The following EXTL1 variants were observed in gnomAD, a reference collection of about 807,000 sequenced individuals.
EXTL1 encodes exostosin-like 1.
EXTL1 carries 43 observed loss-of-function variants against 64.6 expected under a neutral mutation model. That is an observed-to-expected ratio of 0.67 (90% CI 0.52 to 0.86). EXTL1 has a LOEUF of 0.86. EXTL1 is among the 40% of genes least tolerant of loss of function. EXTL1 has a pLI of 0.00. For missense variants in EXTL1, 766 were observed against 879.0 expected, an observed-to-expected ratio of 0.87 and a Z score of 1.62; for synonymous variants, 352 against 360.5, an observed-to-expected ratio of 0.98 and a Z score of 0.27.
chr1:26,023,173 G>A lies in EXTL1; in HGVS notation c.527G>A (p.Gly176Glu). The A allele has an allele frequency of 6.2e-7, 1 of 1,613,918 alleles. No homozygotes were observed. The highest frequency in any genetic ancestry group is 2.2e-5 in the East Asian group (1 of 44,870). Residue 176 changes from glycine (G) to glutamate (E), a missense_variant, in exon 1 of 11, where the codon GGA (glycine) becomes GAA (glutamate). This residue lies in a region of EXTL1 where 571 missense variants were observed against 647.6 expected (regional missense o/e 0.88). Transcript: ENST00000374280. The stretch of plus-strand genomic sequence containing the variant: ...CCCTGCCCCAGGACCTTCCAGCTGG[G>A]ACAGGCTATGGTGGCTGAGGCCAGC... ...PAPCPRTFQL[G>E]QAMVAEASPT...
Position 26,022,788 on chromosome 1 carries a change from C to T in EXTL1, c.142C>T (p.Arg48Cys), listed in dbSNP as rs1316327466. The T allele has an allele frequency of 7.4e-6, 12 of 1,613,960 alleles. No homozygotes were observed. Among genetic ancestry groups the T allele is most frequent in the African/African-American group, 2.7e-5 (2 of 74,920 alleles). ...GCCCGGGGCTTCCCAAGGCTGGCCCCGCTGGCTGGATGCAGAGCTCCTGCA... is the reference window on the plus strand; with the variant it reads ...GCCCGGGGCTTCCCAAGGCTGGCCCTGCTGGCTGGATGCAGAGCTCCTGCA... ...PRPGASQGWPRWLDAELLQSF... is the reference protein window; with the variant it reads ...PRPGASQGWPCWLDAELLQSF... Residue 48 changes from arginine to cysteine, a missense_variant, in exon 1 of 11, where the codon CGC (arginine) becomes TGC (cysteine). Physicochemically the swap from Arg to Cys is radical, Grantham distance 180. Coordinates refer to ENST00000374280, the MANE Select transcript of EXTL1 (RefSeq NM_004455.3).
intron 1 of EXTL1, among the ~76,000 whole-genome samples, chr1:26,024,333 T>C (rs2050192132): frequency 1.3e-5 from 2 of 152,110 alleles, no homozygotes. Context: ...GAGGGTTCCT[T>C]CTGTATCCCA....
chr1:26,029,366 A>T, intron 2 of EXTL1, 80 bp downstream of exon 2: 1 of 1,163,710 alleles, frequency 8.6e-7, no homozygotes, highest in South Asian at 1.3e-5. Context: ...GTCCAGGCCA[A>T]TGAGAAGGGG....
Position 26,031,540 on chromosome 1 carries a change from G to A in EXTL1, c.1315G>A (p.Val439Met), listed in dbSNP as rs1360897608. ...GCCCCCTCTGAAGCTCATCCAGGCG[G>A]TGGCAGGCTCCCAGCACTGTGCCCA... ...GQPPLKLIQA[V>M]AGSQHCAQIL... is the part of the protein sequence containing the mutation. The change falls in exon 6 of 11, where the codon GTG (valine) becomes ATG (methionine). Residue 439 changes from valine (V) to methionine (M), a missense_variant. Physicochemically the swap from Val to Met is conservative, Grantham distance 21. Coordinates refer to ENST00000374280, the MANE Select transcript of EXTL1 (RefSeq NM_004455.3). 6.3e-7 allele frequency: 1 copy of A among 1,597,568 alleles called. No individual in the cohort carries two copies. Among genetic ancestry groups the A allele is most frequent in the African/African-American group, 1.3e-5 (1 of 74,772 alleles).
At position 26,033,753 on chromosome 1, in the gene EXTL1, A is replaced by T; in HGVS notation, c.1576A>T (p.Thr526Ser). The T allele has an allele frequency of 6.2e-7, 1 of 1,613,944 alleles. No individual in the cohort carries two copies. Among genetic ancestry groups the T allele is most frequent in the Non-Finnish European group, 8.5e-7 (1 of 1,179,976 alleles). ...CCCAGAGCGGATGGTGGGCTTCCTG[A>T]CGTCGAGCCATTTCTGGGACGAGGC... ...SFPERMVGFL[T>S]SSHFWDEAHG... is the part of the protein sequence containing the mutation. The change falls in exon 9 of 11, where the codon ACG (threonine) becomes TCG (serine). Residue 526 changes from threonine to serine, a missense_variant. Coordinates refer to ENST00000374280, the MANE Select transcript of EXTL1 (RefSeq NM_004455.3). The surrounding 1 kb of genome is among the most constrained non-coding windows in gnomAD (Gnocchi z 5.1).
chr1:26,022,930 G>C lies in EXTL1; in HGVS notation c.284G>C (p.Gly95Ala), dbSNP rs758821686. ...CFDTSKCRGDGLKVFVYPAVG... is the reference protein window; with the variant it reads ...CFDTSKCRGDALKVFVYPAVG... Reference sequence around the variant, plus strand: ...GATACCTCAAAGTGCAGGGGCGATGGCCTTAAGGTATTCGTGTACCCAGCG... The same window carrying C: ...GATACCTCAAAGTGCAGGGGCGATGCCCTTAAGGTATTCGTGTACCCAGCG... The change falls in exon 1 of 11, where the codon GGC becomes GCC. Residue 95 changes from glycine to alanine, a missense_variant. Around this residue, in one of 3 missense-constraint regions of EXTL1, gnomAD observed 571 missense variants for 647.6 expected, o/e 0.88. Transcript: ENST00000374280. The C allele has an allele frequency of 6.2e-7, 1 of 1,614,106 alleles. No individual in the cohort carries two copies. Among genetic ancestry groups the C allele is most frequent in the Non-Finnish European group, 8.5e-7 (1 of 1,180,032 alleles).
In EXTL1 at chr1:26,022,890, T is replaced by C; in HGVS notation, c.244T>C (p.Trp82Arg). Residue 82 changes from tryptophan to arginine, a missense_variant, in exon 1 of 11, where the codon TGG becomes CGG. By Grantham distance (101) the Trp-to-Arg change is moderately radical (BLOSUM62 -3). This residue lies in a region of EXTL1 where 571 missense variants were observed against 647.6 expected (regional missense o/e 0.88). Transcript: ENST00000374280. ...PQAPHGGSCN[W>R]ESCFDTSKCR... ...AGCCCCTCATGGTGGCAGCTGCAAC[T>C]GGGAATCTTGCTTTGATACCTCAAA... 4.3e-6 allele frequency: 7 copies of C among 1,614,046 alleles called. No individual in the cohort carries two copies. Among genetic ancestry groups the C allele is most frequent in the Non-Finnish European group, 5.1e-6 (6 of 1,180,008 alleles).
At chr1:26,032,983 G>C (rs2997454) in intron 7 of EXTL1, among the ~76,000 whole-genome samples, 3 of 152,182 alleles carry the variant, frequency 2.0e-5, no homozygotes, top group African/African-American at 7.2e-5. Flanking sequence ...AGGGCCCCTA[G>C]AGACCAACTG....
intron 4 of EXTL1, 60 bp downstream of exon 4, chr1:26,030,655 T>A (rs1027260654): frequency 1.3e-6 from 2 of 1,528,184 alleles, no homozygotes; most frequent in African/African-American, 1.4e-5. Context: ...CCCTGTCACC[T>A]CTCCATACTT....
chr1:26,023,867 C>A (rs932343487), intron 1 of EXTL1, among the ~76,000 whole-genome samples: 4 of 152,148 alleles, frequency 2.6e-5, no homozygotes, highest in Non-Finnish European at 5.9e-5. Flanking sequence ...GCCACCCAGC[C>A]GGAAAGAGCC....
chr1:26,032,366 A>G (rs2050296548), intron 6 of EXTL1, 30 bp from the exon 7 acceptor site: 2 of 1,508,288 alleles, frequency 1.3e-6, no homozygotes, highest in Admixed American at 2.0e-5. Flanking sequence ...CCCAGATCCC[A>G]GACTTCAAGA....
At position 26,031,520 on chromosome 1, in the gene EXTL1, C is replaced by G. The variant is rs1478390765; in HGVS notation, c.1295C>G (p.Pro432Arg). 1 of 1,602,842 alleles carries G rather than the reference C, an allele frequency of 6.2e-7. No individual in the cohort carries two copies. Among genetic ancestry groups the G allele is most frequent in the Non-Finnish European group, 8.5e-7 (1 of 1,175,002 alleles). ...LIWVGPPGQP[P>R]LKLIQAVAGS... ...TGGGTGGGGCCCCCAGGCCAGCCCC[C>G]TCTGAAGCTCATCCAGGCGGTGGCA... The change falls in exon 6 of 11, where the codon CCT becomes CGT. Residue 432 changes from proline to arginine, a missense_variant. Coordinates refer to ENST00000374280, the MANE Select transcript of EXTL1 (RefSeq NM_004455.3).
At chr1:26,029,159 A>C in intron 1 of EXTL1, 34 bp from the exon 2 acceptor site, 1 of 1,536,400 alleles carries the variant, frequency 6.5e-7, no homozygotes. Context: ...GTCCAGGCTC[A>C]TGTGTGGTGG....
In EXTL1 at chr1:26,029,592, C is replaced by A; in HGVS notation, c.874-8C>A. On this transcript the variant is annotated splice_region_variant and splice_polypyrimidine_tract_variant and intron_variant, in intron 2 of 10. Transcript: ENST00000374280. The stretch of plus-strand genomic sequence containing the variant: ...GCTGGGCTCCCCAGTGACCTCCCCG[C>A]CCCCCAGGCCGGCTGCATCCCAGTG... The A allele has an allele frequency of 6.4e-7, 1 of 1,571,552 alleles. No individual in the cohort carries two copies.
chr1:26,027,396 G>A (rs2050227877), intron 1 of EXTL1, among the ~76,000 whole-genome samples: 2 of 152,078 alleles, frequency 1.3e-5, no homozygotes, highest in South Asian at 4.1e-4. Context: ...GTTAATACCT[G>A]TAAAGCACTT....
chr1:26,035,338 G>A lies in EXTL1; in HGVS notation c.2022G>A (p.Glu674=), dbSNP rs2050327785. The A allele has an allele frequency of 6.2e-7, 1 of 1,608,698 alleles. No homozygotes were observed. Among genetic ancestry groups the A allele is most frequent in the African/African-American group, 1.3e-5 (1 of 74,808 alleles). The part of the protein sequence containing the change: ...SVQRKKYRSL[E]KP ...AGCGCAAGAAGTACCGCAGCCTGGA[G>A]AAGCCCTAGGGGGGCGACCCGCGGA... Residue 674 remains glutamate (E), a synonymous_variant, in exon 11 of 11, where the codon GAG becomes GAA. Coordinates refer to ENST00000374280, the MANE Select transcript of EXTL1 (RefSeq NM_004455.3). This position sits in a 1 kb window ranked among gnomAD's most constrained non-coding sequence, Gnocchi z 5.3.
At position 26,027,693 on chromosome 1, in the gene EXTL1, A is replaced by AAAAAAAAAAAAAAAAAAAAAAAAAAAG. The variant is rs1553141858; in HGVS notation, c.780-1485_780-1484insAAAAAAAAAAAGAAAAAAAAAAAAAAA. Among the ~76,000 whole-genome samples the AAAAAAAAAAAAAAAAAAAAAAAAAAAG allele has an allele frequency of 2.4e-4, 31 of 131,556 alleles. 1 individual carries two copies. The highest frequency in any genetic ancestry group is 4.6e-4 in the South Asian group (2 of 4,382). 86.3% of individuals were successfully genotyped at this position (131,556 alleles called of 152,430 possible). A position where few individuals can be genotyped will look rare whatever the true frequency, so the allele number is the denominator to read the frequency against. ...AACACAGAGAGACCCCATCTCTAAA[A>AAAAAAAAAAAAAAAAAAAAAAAAAAAG]AAAAAAAAAAAAAAAGCCAGCACGT... On this transcript the variant is annotated intron_variant, in intron 1 of 10. Transcript: ENST00000374280.
chr1:26,024,313 C>T (rs2124400943), intron 1 of EXTL1, among the ~76,000 whole-genome samples: 1 of 152,252 alleles, frequency 6.6e-6, no homozygotes, highest in Admixed American at 6.5e-5. Context: ...TGTCCAGGGC[C>T]CCGGTGGCAG....
In EXTL1 at chr1:26,023,080, A is replaced by C; in HGVS notation, c.434A>C (p.Glu145Ala). 1 of 1,613,346 alleles carries C rather than the reference A, an allele frequency of 6.2e-7. No individual in the cohort carries two copies. Residue 145 changes from glutamate to alanine, a missense_variant, in exon 1 of 11, where the codon GAG becomes GCG. Around this residue, in one of 3 missense-constraint regions of EXTL1, gnomAD observed 571 missense variants for 647.6 expected, o/e 0.88. Coordinates refer to ENST00000374280, the MANE Select transcript of EXTL1 (RefSeq NM_004455.3). ...CTCAGCCTGGACGCCCAGACTGGAG[A>C]GTGCAGCTCAATGCCTCTGCAATGG... is the stretch of plus-strand genomic sequence containing the variant. ...LLLSLDAQTG[E>A]CSSMPLQWNR...
Sources: gnomAD v4.1 joint callset for allele counts (sites outside exome capture counted in the v4.1 genomes callset) on GRCh38, gnomAD v4.1.1 for gene constraint, gnomAD v4.1.1 regional missense constraint, Gnocchi (gnomAD v3.1) non-coding constraint, MANE v1.5 for transcripts, NCBI Gene and HGNC (gene_info 2026-07-23, HGNC 2026-07-21) for gene names.